ACSS3: variants seen among roughly 807,000 people sequenced by gnomAD.
ACSS3 encodes the protein acyl-CoA synthetase short chain family member 3.
A neutral mutation model predicts 84.2 loss-of-function variants in ACSS3; 64 were observed. The ratio of observed to expected loss-of-function variants is 0.76; its 90% CI spans 0.62 to 0.94. ACSS3 has a LOEUF of 0.94. Ranked by LOEUF, ACSS3 falls within the 40% of genes least tolerant of loss-of-function variation. The pLI, the probability that ACSS3 is intolerant of heterozygous loss-of-function variation, is 0.00. For synonymous variants in ACSS3, 317 were observed against 310.1 expected (o/e 1.02, Z -0.23); for missense variants, 815 against 867.6 (o/e 0.94, Z 0.76).
chr12:81,113,346 T>C (rs890849072), intron 2 of ACSS3, among the ~76,000 whole-genome samples: 2 of 152,128 alleles, frequency 1.3e-5, no homozygotes, highest in African/African-American at 4.8e-5. Context: ...TATCTTATGG[T>C]CCATGTTACC....
At chr12:81,223,519 G>C (rs2033178054) in intron 11 of ACSS3, among the ~76,000 whole-genome samples, 1 of 151,970 alleles carries the variant, frequency 6.6e-6, no homozygotes, top group African/African-American at 2.4e-5. Context: ...ACAGTTTTGA[G>C]TGTGATATTT....
chr12:81,176,975 A>G (rs117794950), intron 8 of ACSS3, among the ~76,000 whole-genome samples: 2,249 of 152,336 alleles, frequency 0.015, 19 homozygotes, highest in Middle Eastern at 0.037. Context: ...ACCATGATCA[A>G]GTAGGCTTTA....
rs372394143 is a variant in ACSS3, at chr12:81,105,648, T to C, written c.312-3912T>C. 7.9e-5 allele frequency among the ~76,000 whole-genome samples: 12 copies of C among 152,364 alleles called. No homozygotes were observed. In the East Asian group the frequency reaches 1.7e-3, roughly 22 times the overall value. ...AATCCTATGCTTCTTGAAAGTTTAG[T>C]AACATTCTCATTCATTCATTCATCA... On this transcript the variant is annotated intron_variant, in intron 1 of 15. Transcript: ENST00000548058.
chr12:81,254,936 T>G lies in ACSS3; in HGVS notation c.*14T>G. 6.4e-7 allele frequency: 1 copy of G among 1,567,128 alleles called. No homozygotes were observed. The highest frequency in any genetic ancestry group is 8.7e-7 in the Non-Finnish European group (1 of 1,154,424). On this transcript the variant is annotated 3_prime_UTR_variant, in exon 16 of 16. Coordinates refer to ENST00000548058, the MANE Select transcript of ACSS3 (RefSeq NM_024560.4). ...AAGCAAGCATAATGAGTTTGTCTTA[T>G]TCCTATTTTGAGTTGATTTAATTTC...
rs531696827 is a variant in ACSS3 at position 81,163,032 on chromosome 12, G to A, written c.1098+10936G>A. On this transcript the variant is annotated intron_variant, in intron 7 of 15. Transcript: ENST00000548058. ...GGGATGGCTGGGTGGCTGCAGCTGC[G>A]GCCCAGAGGACTGGGATCCTATCCC... Among the ~76,000 whole-genome samples the A allele has an allele frequency of 1.7e-3, 254 of 151,796 alleles. 4 individuals are homozygous for A. In the South Asian group the frequency reaches 0.041, roughly 25 times the overall value.
intron 13 of ACSS3, among the ~76,000 whole-genome samples, chr12:81,247,808 G>A (rs937798788): frequency 6.6e-6 from 1 of 151,964 alleles, no homozygotes; most frequent in Admixed American, 6.5e-5. Context: ...TCTTATTAAA[G>A]TGCCCAAACC....
intron 7 of ACSS3, among the ~76,000 whole-genome samples, chr12:81,168,078 G>C (rs1036944761): frequency 2.0e-5 from 3 of 152,128 alleles, no homozygotes; most frequent in African/African-American, 7.2e-5. Context: ...ATGGGGAGTG[G>C]GGAAAGAAGA....
At chr12:81,103,565 T>A (rs1882706867) in intron 1 of ACSS3, among the ~76,000 whole-genome samples, 1 of 152,156 alleles carries the variant, frequency 6.6e-6, no homozygotes, top group South Asian at 2.1e-4. Context: ...TATTGGTAGA[T>A]TCATTACCTG....
At chr12:81,080,412 G>T (rs921171921) in intron 1 of ACSS3, among the ~76,000 whole-genome samples, 2 of 151,696 alleles carry the variant, frequency 1.3e-5, no homozygotes, top group African/African-American at 2.4e-5. Context: ...TTGTGAAAGG[G>T]TCACTATATT....
intron 1 of ACSS3, among the ~76,000 whole-genome samples, chr12:81,080,846 C>T (rs1221825579): frequency 3.3e-5 from 5 of 152,104 alleles, no homozygotes; most frequent in African/African-American, 9.7e-5. Context: ...ATTTTTGTTG[C>T]TATAAAACAA....
At chr12:81,186,922 G>C (rs1286416665) in intron 8 of ACSS3, among the ~76,000 whole-genome samples, 1 of 151,758 alleles carries the variant, frequency 6.6e-6, no homozygotes, top group Non-Finnish European at 1.5e-5. Flanking sequence ...GTTCATTGTG[G>C]CATCATTCAC....
At chr12:81,104,437 G>C (rs950241047) in intron 1 of ACSS3, among the ~76,000 whole-genome samples, 1 of 152,146 alleles carries the variant, frequency 6.6e-6, no homozygotes, top group African/African-American at 2.4e-5. Context: ...GTAAAGACCT[G>C]CTGGAGAGTC....
chr12:81,210,394 A>G (rs553939490), intron 9 of ACSS3, among the ~76,000 whole-genome samples: 2 of 152,302 alleles, frequency 1.3e-5, no homozygotes, highest in East Asian at 3.9e-4. Flanking sequence ...GTGATATCTG[A>G]AAGATTTAAA....
chr12:81,205,627 T>A (rs2032312381), intron 9 of ACSS3, among the ~76,000 whole-genome samples: 1 of 152,100 alleles, frequency 6.6e-6, no homozygotes, highest in Non-Finnish European at 1.5e-5. Context: ...AGGTAAGGTA[T>A]CAAAGTCTAA....
chr12:81,080,266 G>C (rs753822744), intron 1 of ACSS3, among the ~76,000 whole-genome samples: 1 of 151,972 alleles, frequency 6.6e-6, no homozygotes, highest in Non-Finnish European at 1.5e-5. Context: ...CTTTGGAAGT[G>C]AGTGTCAATG....
intron 13 of ACSS3, among the ~76,000 whole-genome samples, chr12:81,240,982 C>A (rs993914102): frequency 1.7e-5 from 2 of 117,128 alleles, no homozygotes; most frequent in Non-Finnish European, 3.4e-5. Flanking sequence ...GCTATCCCTC[C>A]CCCCTCCCCC....
chr12:81,159,714 A>G (rs574955399), intron 7 of ACSS3, among the ~76,000 whole-genome samples: 1 of 152,376 alleles, frequency 6.6e-6, no homozygotes, highest in South Asian at 2.1e-4. Flanking sequence ...GGGATAAAAC[A>G]CAAGCAATCT....
chr12:81,132,203 T>C (rs568433914), intron 2 of ACSS3, among the ~76,000 whole-genome samples: 88 of 152,330 alleles, frequency 5.8e-4, no homozygotes, highest in African/African-American at 2.0e-3. Flanking sequence ...GAAGGAATGG[T>C]ACCAGCTCGT....
intron 11 of ACSS3, among the ~76,000 whole-genome samples, chr12:81,221,365 C>T (rs1344670166): frequency 6.6e-6 from 1 of 151,908 alleles, no homozygotes; most frequent in Non-Finnish European, 1.5e-5. Flanking sequence ...TATTGGAAGT[C>T]AAAAGAACTC....
Sources: gnomAD v4.1 joint callset for allele counts (sites outside exome capture counted in the v4.1 genomes callset) on GRCh38, gnomAD v4.1.1 for gene constraint, MANE v1.5 for transcripts, NCBI Gene and HGNC (gene_info 2026-07-23, HGNC 2026-07-21) for gene names.